The following C1GALT1 variants were observed in gnomAD, a reference collection of about 807,000 sequenced individuals.
The protein encoded by C1GALT1 is core 1 synthase, glycoprotein-N-acetylgalactosamine 3-beta-galactosyltransferase 1, also known as glycoprotein-N-acetylgalactosamine 3-beta-galactosyltransferase 1.
A neutral mutation model predicts 31.0 loss-of-function variants in C1GALT1; 11 were observed. That is an observed-to-expected ratio of 0.36 (90% confidence interval 0.22 to 0.59). The LOEUF is 0.59. Ranked by LOEUF, C1GALT1 falls within the 20% of genes least tolerant of loss-of-function variation. The probability of loss-of-function intolerance (pLI) is 0.79; values close to 1 mark genes in which losing one functional copy is unlikely to be tolerated. For missense variants in C1GALT1, 424 were observed against 425.2 expected (o/e 1.00, Z 0.03); for synonymous variants, 175 against 143.6 (o/e 1.22, Z -1.56).
At chr7:7,192,407 C>T (rs1355779358) in intron 1 of C1GALT1, among the ~76,000 whole-genome samples, 1 of 152,046 alleles carries the variant, frequency 6.6e-6, no homozygotes, top group Admixed American at 6.6e-5. Context: ...TTTTCCATTC[C>T]TGAGTTACTT....
intron 1 of C1GALT1, among the ~76,000 whole-genome samples, chr7:7,183,767 C>T (rs1302175704): frequency 1.3e-5 from 2 of 151,470 alleles, no homozygotes; most frequent in Non-Finnish European, 2.9e-5. Context: ...ACCTAGTTCT[C>T]TATATCCATT....
intron 1 of C1GALT1, among the ~76,000 whole-genome samples, chr7:7,187,132 A>G (rs1031224061): frequency 1.3e-5 from 2 of 152,242 alleles, no homozygotes; most frequent in Non-Finnish European, 2.9e-5. Context: ...AAGAGGTACA[A>G]GACTAAAAAC....
chr7:7,220,389 T>A (rs1782456434), intron 1 of C1GALT1, among the ~76,000 whole-genome samples: 1 of 152,234 alleles, frequency 6.6e-6, no homozygotes, highest in Admixed American at 6.5e-5. Flanking sequence ...TTCTGAAACT[T>A]CTCCCAGTCC....
chr7:7,239,471 A>G (rs1783524843), intron 3 of C1GALT1, among the ~76,000 whole-genome samples: 3 of 152,212 alleles, frequency 2.0e-5, no homozygotes, highest in Non-Finnish European at 1.5e-5. Context: ...AGAAAGACCT[A>G]GAGTCAAATC....
chr7:7,193,546 T>C (rs1426858713), intron 1 of C1GALT1, among the ~76,000 whole-genome samples: 1 of 152,236 alleles, frequency 6.6e-6, no homozygotes, highest in African/African-American at 2.4e-5. Flanking sequence ...CCATGCTGTT[T>C]CGGTAACTAT....
Position 7,243,808 on chromosome 7 carries a change from G to T in C1GALT1, c.*81G>T. 1 of 1,023,480 alleles carries T rather than the reference G, an allele frequency of 9.8e-7. No homozygotes were observed. Among genetic ancestry groups the T allele is most frequent in the Non-Finnish European group, 1.4e-6 (1 of 710,518 alleles). 63.4% of individuals were successfully genotyped at this position (1,023,480 alleles called of 1,614,324 possible). On this transcript the variant is annotated 3_prime_UTR_variant, in exon 4 of 4. Coordinates refer to ENST00000436587, the MANE Select transcript of C1GALT1 (RefSeq NM_020156.5). ...TTCTGCATTTCTGACATAGAACACTGGAATCCCAGTGAGGAATTCTAAGTG... is the reference window on the plus strand; with the variant it reads ...TTCTGCATTTCTGACATAGAACACTTGAATCCCAGTGAGGAATTCTAAGTG...
At chr7:7,202,815 G>A (rs965693830) in intron 1 of C1GALT1, among the ~76,000 whole-genome samples, 2 of 152,268 alleles carry the variant, frequency 1.3e-5, no homozygotes, top group Non-Finnish European at 2.9e-5. Flanking sequence ...ACTTTGGATA[G>A]TATTGACATC....
intron 1 of C1GALT1, among the ~76,000 whole-genome samples, chr7:7,205,637 A>T (rs9648103): frequency 0.17 from 25,393 of 152,204 alleles, 2,367 homozygotes; most frequent in Middle Eastern, 0.29. Context: ...CTTTTGCTGT[A>T]TTGAATCTTT....
intron 2 of C1GALT1, among the ~76,000 whole-genome samples, chr7:7,164,811 T>C (rs557924516): frequency 4.6e-5 from 7 of 152,278 alleles, no homozygotes; most frequent in Non-Finnish European, 8.8e-5. Context: ...GGCTGTAAGC[T>C]GAAGGTCATC....
In C1GALT1 at chr7:7,244,452, A is replaced by G. The variant is rs1783764887; in HGVS notation, c.*725A>G. The stretch of plus-strand genomic sequence containing the variant: ...ATGTGTTTAGCCACTCTTGAATACC[A>G]TTCTCCACTATTAACATTAATTTAC... On this transcript the variant is annotated 3_prime_UTR_variant, in exon 4 of 4. Coordinates refer to ENST00000436587, the MANE Select transcript of C1GALT1 (RefSeq NM_020156.5). The G allele has an allele frequency of 2.0e-5, 3 of 152,112 alleles. No individual in the cohort carries two copies. The highest frequency in any genetic ancestry group is 6.5e-5 in the Admixed American group (1 of 15,276). The allele number at this position is 152,112 out of a possible 1,614,324, so 9.4% of individuals were successfully genotyped here.
At position 7,243,761 on chromosome 7, in the gene C1GALT1, T is replaced by TA; in HGVS notation, c.*35dup. On this transcript the variant is annotated 3_prime_UTR_variant, in exon 4 of 4. Coordinates refer to ENST00000436587, the MANE Select transcript of C1GALT1 (RefSeq NM_020156.5). ...CATGAATGAACAAAGGTAATATGTCTAGCACTGCACTGAAAAAGGACTTCT... is the reference window on the plus strand; with the variant it reads ...CATGAATGAACAAAGGTAATATGTCTAAGCACTGCACTGAAAAAGGACTTCT... The TA allele has an allele frequency of 6.8e-7, 1 of 1,467,108 alleles. No homozygotes were observed. Among genetic ancestry groups the TA allele is most frequent in the South Asian group, 1.3e-5 (1 of 78,472 alleles). The allele number at this position is 1,467,108 out of a possible 1,614,324, so 90.9% of individuals were successfully genotyped here.
At position 7,246,464 on chromosome 7, in the gene C1GALT1, T is replaced by G. The variant is rs1783849937; in HGVS notation, c.*2737T>G. 6.6e-6 allele frequency: 1 copy of G among 152,216 alleles called. No individual in the cohort carries two copies. The highest frequency in any genetic ancestry group is 1.5e-5 in the Non-Finnish European group (1 of 68,036). 9.4% of individuals were successfully genotyped at this position (152,216 alleles called of 1,614,324 possible). ...TTCTCACACTTGCCCAGGATGTTGT[T>G]AAATGCAGATCTGAAGACCCCAATC... On this transcript the variant is annotated 3_prime_UTR_variant, in exon 4 of 4. Transcript: ENST00000436587.
rs12055926 is a variant in C1GALT1, at chr7:7,237,960, A to T, written c.221-295A>T. Among the ~76,000 whole-genome samples the T allele has an allele frequency of 0.053, 8,040 of 152,264 alleles. 301 individuals carry two copies. Among genetic ancestry groups the T allele is most frequent in the East Asian group, 0.14 (729 of 5,172 alleles). ...TCTGGGCCTAAGATTATGCATTTCT[A>T]ACAGGCTCCCAGGTGATGCTGCTGC... On this transcript the variant is annotated intron_variant, in intron 2 of 3. Coordinates refer to ENST00000436587, the MANE Select transcript of C1GALT1 (RefSeq NM_020156.5).
intron 1 of C1GALT1, among the ~76,000 whole-genome samples, chr7:7,205,007 G>T (rs926171363): frequency 2.0e-5 from 3 of 152,170 alleles, no homozygotes; most frequent in Admixed American, 2.0e-4. Context: ...TTTGGTTATT[G>T]TTAGGCAGAA....
chr7:7,203,108 G>A (rs182081078), intron 1 of C1GALT1, among the ~76,000 whole-genome samples: 129 of 70,946 alleles, frequency 1.8e-3, no homozygotes, highest in Non-Finnish European at 5.1e-4. Context: ...TTTTTTTTTT[G>A]GAATCTTTAG....
rs148223874 is a variant in C1GALT1 at position 7,198,510 on chromosome 7, C to T, written c.-18+15690C>T. Among the ~76,000 whole-genome samples, 576 of 152,190 alleles carry T rather than the reference C, an allele frequency of 3.8e-3. 5 individuals are homozygous for T. Among genetic ancestry groups the T allele is most frequent in the African/African-American group, 0.013 (550 of 41,528 alleles). On this transcript the variant is annotated intron_variant, in intron 1 of 3. Coordinates refer to ENST00000436587, the MANE Select transcript of C1GALT1 (RefSeq NM_020156.5). ...TAAAATTCTCTTTTTTTTATTGTGT[C>T]TCTGCTAGGCTTTGGTATCAGGATG... is the stretch of plus-strand genomic sequence containing the variant.
chr7:7,236,308 C>T (rs1017705245), intron 2 of C1GALT1, among the ~76,000 whole-genome samples: 17 of 151,968 alleles, frequency 1.1e-4, no homozygotes, highest in Non-Finnish European at 1.5e-4. Context: ...TCAAGTTCAG[C>T]GGTGGACAAA....
At position 7,247,856 on chromosome 7, in the gene C1GALT1, C is replaced by T. The variant is rs776442076; in HGVS notation, c.*4129C>T. 2 of 152,014 alleles carry T rather than the reference C, an allele frequency of 1.3e-5. No homozygotes were observed. Among genetic ancestry groups the T allele is most frequent in the Non-Finnish European group, 2.9e-5 (2 of 67,900 alleles). 9.4% of individuals were successfully genotyped at this position (152,014 alleles called of 1,614,324 possible). On this transcript the variant is annotated 3_prime_UTR_variant, in exon 4 of 4. Coordinates refer to ENST00000436587, the MANE Select transcript of C1GALT1 (RefSeq NM_020156.5). The stretch of plus-strand genomic sequence containing the variant: ...TAATTGATAATTTTAAGCCTACTAA[C>T]TAGGGTTCCCTATGAAATTGAAAGT...
intron 1 of C1GALT1, among the ~76,000 whole-genome samples, chr7:7,196,256 C>A (rs1781283170): frequency 6.7e-6 from 1 of 148,980 alleles, no homozygotes; most frequent in African/African-American, 2.5e-5. Context: ...ATGTTCCCCA[C>A]CCTGTGTCCA....
Sources: gnomAD v4.1 joint callset for allele counts (sites outside exome capture counted in the v4.1 genomes callset) on GRCh38, gnomAD v4.1.1 for gene constraint, MANE v1.5 for transcripts, NCBI Gene and HGNC (gene_info 2026-07-23, HGNC 2026-07-21) for gene names.